Variants in NRG3 observed in about 807,000 individuals in gnomAD.
NRG3 encodes neuregulin 3, also known as pro-neuregulin-3, membrane-bound isoform.
NRG3 carries 31 observed loss-of-function variants against 66.9 expected under a neutral mutation model. The ratio of observed to expected loss-of-function variants is 0.46; its 90% confidence interval spans 0.35 to 0.63. The LOEUF (loss-of-function observed/expected upper bound fraction) is 0.63, where lower values mean the gene tolerates loss of function less well. Among genes scored for constraint, NRG3 ranks in the 20% least tolerant of loss-of-function variants. The pLI is 0.00. For synonymous variants in NRG3, 393 were observed against 359.4 expected (o/e 1.09, Z -1.06); for missense variants, 910 against 878.9 (o/e 1.04, Z -0.45).
intron 2 of NRG3, among the ~76,000 whole-genome samples, chr10:82,635,462 C>T (rs645168): frequency 0.13 from 20,331 of 151,778 alleles, 1,538 homozygotes; most frequent in African/African-American, 0.17. Context: ...CAAGAAGGGA[C>T]ATATTCCTGT....
intron 2 of NRG3, among the ~76,000 whole-genome samples, chr10:82,498,178 CTTATT>C (rs1843798359): frequency 6.7e-6 from 1 of 150,122 alleles, no homozygotes; most frequent in African/African-American, 2.4e-5. Context: ...TATATATTCT[CTTATT>C]TTATAGCTTA....
At chr10:82,443,474 T>A (rs2090551330) in intron 2 of NRG3, among the ~76,000 whole-genome samples, 1 of 152,256 alleles carries the variant, frequency 6.6e-6, no homozygotes, top group South Asian at 2.1e-4. Flanking sequence ...CACAGTTTCA[T>A]GCAGTTTGTT....
chr10:82,055,126 G>A (rs544083723), intron 1 of NRG3, among the ~76,000 whole-genome samples: 65 of 152,164 alleles, frequency 4.3e-4, no homozygotes, highest in South Asian at 1.9e-3. Context: ...CACAGTCTCA[G>A]CTGCTGCTGA....
intron 4 of NRG3, among the ~76,000 whole-genome samples, chr10:82,903,763 G>A (rs1459292289): frequency 6.6e-6 from 1 of 151,874 alleles, no homozygotes; most frequent in Non-Finnish European, 1.5e-5. Context: ...AAGGCTTCTG[G>A]TCAACATTAG....
chr10:82,697,313 G>A lies in NRG3; in HGVS notation c.954-41264G>A, dbSNP rs567877983. On this transcript the variant is annotated intron_variant, in intron 2 of 8. Transcript: ENST00000372141. The stretch of plus-strand genomic sequence containing the variant: ...GAAAAGTAAACCTAAACCTGCTTAA[G>A]GTAACTGGAAGGAATGGAAGTGGCT... Among the ~76,000 whole-genome samples the A allele has an allele frequency of 2.2e-4, 33 of 152,264 alleles. No homozygotes were observed. In the South Asian group the frequency reaches 6.2e-3, roughly 29 times the overall value.
At chr10:82,540,707 A>G (rs1414169118) in intron 2 of NRG3, among the ~76,000 whole-genome samples, 4 of 152,186 alleles carry the variant, frequency 2.6e-5, no homozygotes, top group Non-Finnish European at 1.5e-5. Flanking sequence ...TATGGAGTAT[A>G]ATGGAAGCCA....
At chr10:82,167,345 G>A (rs921310261) in intron 1 of NRG3, among the ~76,000 whole-genome samples, 10 of 152,120 alleles carry the variant, frequency 6.6e-5, no homozygotes, top group African/African-American at 2.4e-4. Flanking sequence ...CTGGACTAAG[G>A]CAGTATTCAG....
At chr10:82,486,258 A>G (rs534724842) in intron 2 of NRG3, among the ~76,000 whole-genome samples, 1 of 152,324 alleles carries the variant, frequency 6.6e-6, no homozygotes, top group East Asian at 1.9e-4. Flanking sequence ...AATGTTCCTC[A>G]AAAAACTGAA....
At chr10:82,053,676 C>T (rs528286616) in intron 1 of NRG3, among the ~76,000 whole-genome samples, 12 of 152,108 alleles carry the variant, frequency 7.9e-5, no homozygotes, top group African/African-American at 2.2e-4. Context: ...TTGGAAAATA[C>T]ATTTTAGTTG....
intron 2 of NRG3, among the ~76,000 whole-genome samples, chr10:82,447,224 C>T (rs576634977): frequency 6.6e-6 from 1 of 152,308 alleles, no homozygotes; most frequent in Admixed American, 6.5e-5. Flanking sequence ...CCAAAACGAG[C>T]TTCTTTCTTT....
intron 3 of NRG3, among the ~76,000 whole-genome samples, chr10:82,823,407 A>T (rs2062039740): frequency 6.6e-6 from 1 of 152,186 alleles, no homozygotes; most frequent in Non-Finnish European, 1.5e-5. Context: ...AAATCCAAAG[A>T]AGCATCATTC....
At chr10:82,105,802 T>A (rs914218465) in intron 1 of NRG3, among the ~76,000 whole-genome samples, 2 of 152,190 alleles carry the variant, frequency 1.3e-5, no homozygotes, top group South Asian at 2.1e-4. Flanking sequence ...GATAAAGGAA[T>A]GTCAAAAACA....
In NRG3 at chr10:82,396,103, A is replaced by G. The variant is rs575535004; in HGVS notation, c.953+37235A>G. Among the ~76,000 whole-genome samples, 26 of 152,318 alleles carry G rather than the reference A, an allele frequency of 1.7e-4. No homozygotes were observed. In the South Asian group the frequency reaches 5.0e-3, roughly 29 times the overall value. On this transcript the variant is annotated intron_variant, in intron 2 of 8. Transcript: ENST00000372141. ...GTTTTTTAAGCCTTGGCAAATTGCCATACTCCTTTCAAAGACTGGATGAGT... is the reference window on the plus strand; with the variant it reads ...GTTTTTTAAGCCTTGGCAAATTGCCGTACTCCTTTCAAAGACTGGATGAGT...
rs1310217519 is a variant in NRG3, at chr10:82,311,893, T to G, written c.824-46846T>G. On this transcript the variant is annotated intron_variant, in intron 1 of 8. Coordinates refer to ENST00000372141, the MANE Select transcript of NRG3 (RefSeq NM_001010848.4). Reference sequence around the variant, plus strand: ...GATCCTCTCCATAAGATGAACTCAGTCTTATAGATGCTTTTTCAACCACCT... The same window carrying G: ...GATCCTCTCCATAAGATGAACTCAGGCTTATAGATGCTTTTTCAACCACCT... 1.4e-4 allele frequency among the ~76,000 whole-genome samples: 21 copies of G among 152,182 alleles called. 1 individual carries two copies.
chr10:82,795,663 A>G (rs1185664758), intron 3 of NRG3, among the ~76,000 whole-genome samples: 1 of 152,190 alleles, frequency 6.6e-6, no homozygotes, highest in Non-Finnish European at 1.5e-5. Context: ...GAAAAGTAGG[A>G]AATAGAAAAA....
intron 4 of NRG3, among the ~76,000 whole-genome samples, chr10:82,918,407 C>A (rs1293161994): frequency 6.6e-6 from 1 of 152,084 alleles, no homozygotes; most frequent in Non-Finnish European, 1.5e-5. Flanking sequence ...GCAACAAATT[C>A]ACAAACCACA....
intron 1 of NRG3, chr10:82,340,765 TG>T (rs2082644635): frequency 6.6e-6 from 1 of 152,104 alleles, no homozygotes; most frequent in African/African-American, 2.4e-5. Context: ...AAAAAATGGG[TG>T]TTGGGTGCTT....
At chr10:82,528,768 A>C (rs983143323) in intron 2 of NRG3, among the ~76,000 whole-genome samples, 1 of 152,094 alleles carries the variant, frequency 6.6e-6, no homozygotes, top group East Asian at 1.9e-4. Context: ...TTTTTCTATT[A>C]GTGAGTGTAA....
At chr10:82,391,495 G>A (rs575846018) in intron 2 of NRG3, among the ~76,000 whole-genome samples, 1 of 152,230 alleles carries the variant, frequency 6.6e-6, no homozygotes, top group Admixed American at 6.5e-5. Context: ...GTGAAGCTAC[G>A]TGGCCAAACT....
Sources: gnomAD v4.1 joint callset for allele counts (sites outside exome capture counted in the v4.1 genomes callset) on GRCh38, gnomAD v4.1.1 for gene constraint, MANE v1.5 for transcripts, NCBI Gene and HGNC (gene_info 2026-07-23, HGNC 2026-07-21) for gene names.